UNC13C: variants seen among roughly 807,000 people sequenced by gnomAD.
UNC13C encodes the protein unc-13 homolog C.
In UNC13C, 174 loss-of-function variants were observed where a neutral mutation model predicts 245.4. That is an observed-to-expected ratio of 0.71 (90% CI 0.63 to 0.80). UNC13C has a LOEUF of 0.80. UNC13C is among the 30% of genes least tolerant of loss of function. The pLI is 0.00. For missense variants in UNC13C, 2,829 were observed against 2,602.9 expected, an observed-to-expected ratio of 1.09 and a Z score of -1.89; for synonymous variants, 992 against 895.1, an observed-to-expected ratio of 1.11 and a Z score of -1.93.
intron 17 of UNC13C, 25 bp from the exon 18 acceptor site, chr15:54,393,023 G>T (rs2039991361): frequency 1.3e-6 from 2 of 1,544,642 alleles, no homozygotes; most frequent in Non-Finnish European, 8.7e-7. Flanking sequence ...CTTTTCTTTT[G>T]CATGTTGCGT....
chr15:54,322,244 G>A (rs1401513364), intron 14 of UNC13C, 149 bp downstream of exon 14: 1 of 664,892 alleles, frequency 1.5e-6, no homozygotes, highest in Non-Finnish European at 2.3e-6. Flanking sequence ...AAGTTCATTT[G>A]AAACATTTTT....
In UNC13C at chr15:54,441,003, ATTAT is replaced by A. The variant is rs568792758; in HGVS notation, c.4933+25943_4933+25946del. Among the ~76,000 whole-genome samples the A allele has an allele frequency of 2.2e-3, 336 of 151,608 alleles. 6 individuals are homozygous for A. The highest frequency in any genetic ancestry group is 6.8e-4 in the Non-Finnish European group (46 of 67,788). On this transcript the variant is annotated intron_variant, in intron 19 of 32. Coordinates refer to ENST00000260323, the MANE Select transcript of UNC13C (RefSeq NM_001080534.3). ...TGTCATTTGACTACTTTTTGATGAG[ATTAT>A]TTATTTTCTTACTGTTGAGTTATTT... is the stretch of plus-strand genomic sequence containing the variant.
intron 19 of UNC13C, among the ~76,000 whole-genome samples, chr15:54,482,614 A>AATTCCACTGTTCTCTCCCAGAAGCTGT (rs1555472235): frequency 2.2e-4 from 33 of 149,652 alleles, no homozygotes; most frequent in African/African-American, 7.2e-4. Context: ...TTCCCTGCTG[A>AATTCCACTGTTCTCTCCCAGAAGCTGT]ATTCCACTGT....
At chr15:54,632,099 G>C (rs1901466910), downstream of UNC13C, 1 of 152,100 alleles carries the variant, frequency 6.6e-6, no homozygotes, top group African/African-American at 2.4e-5. Context: ...ATAACATTGA[G>C]TATCTCTGTG....
At position 54,499,857 on chromosome 15, in the gene UNC13C, C is replaced by T. The variant is rs141562780; in HGVS notation, c.5061-222C>T. ...TGTTGGAAACTAAGCATATTTGAGG[C>T]AGCATGCGAAGAACCAAGACGGGGG... On this transcript the variant is annotated intron_variant, in intron 20 of 32. Coordinates refer to ENST00000260323, the MANE Select transcript of UNC13C (RefSeq NM_001080534.3). 2.6e-3 allele frequency among the ~76,000 whole-genome samples: 395 copies of T among 152,150 alleles called. 10 individuals carry two copies. The highest frequency in any genetic ancestry group is 0.014 in the Admixed American group (218 of 15,240).
rs1448096922 is a variant in UNC13C, at chr15:54,145,001, A to C, written c.3071+1317A>C. Among the ~76,000 whole-genome samples, 3 of 151,920 alleles carry C rather than the reference A, an allele frequency of 2.0e-5. 1 individual carries two copies. The highest frequency in any genetic ancestry group is 4.4e-5 in the Non-Finnish European group (3 of 67,976). ...AAGACCGGGTTTTGCCATATTGTTC[A>C]GGCTGGTCTTGATCTCCTGAGCTCA... On this transcript the variant is annotated intron_variant, in intron 4 of 32. Coordinates refer to ENST00000260323, the MANE Select transcript of UNC13C (RefSeq NM_001080534.3).
chr15:54,177,907 T>A (rs1290129358), intron 4 of UNC13C, among the ~76,000 whole-genome samples: 1 of 152,116 alleles, frequency 6.6e-6, no homozygotes, highest in African/African-American at 2.4e-5. Context: ...ACATTTTTTC[T>A]CATTTTTTTC....
At chr15:54,598,359 T>C (rs1297663001) in intron 30 of UNC13C, among the ~76,000 whole-genome samples, 1 of 152,230 alleles carries the variant, frequency 6.6e-6, no homozygotes, top group Non-Finnish European at 1.5e-5. Context: ...CCTCCCAAAG[T>C]GCTGGGATTA....
chr15:54,620,919 G>A (rs1900758816), intron 30 of UNC13C, among the ~76,000 whole-genome samples: 1 of 152,138 alleles, frequency 6.6e-6, no homozygotes, highest in Non-Finnish European at 1.5e-5. Flanking sequence ...GGTGTTGGGG[G>A]GAGGAAGGAA....
the UNC13C span, among the ~76,000 whole-genome samples, chr15:53,879,965 G>GTGTGTT: frequency 2.0e-5 from 3 of 150,718 alleles, no homozygotes; most frequent in Non-Finnish European, 4.4e-5. Context: ...GTGTGTGTGT[G>GTGTGTT]TGTGTGTATA....
intron 30 of UNC13C, among the ~76,000 whole-genome samples, chr15:54,586,458 A>G (rs1898497417): frequency 6.6e-6 from 1 of 152,284 alleles, no homozygotes. Context: ...CCCCGTGCAC[A>G]GGGAAAGAGA....
the UNC13C span, among the ~76,000 whole-genome samples, chr15:53,885,806 C>T: frequency 6.6e-6 from 1 of 152,136 alleles, no homozygotes; most frequent in Non-Finnish European, 1.5e-5. Flanking sequence ...GAAAAAGATG[C>T]TGACACAAAT....
chr15:54,225,406 G>A (rs990618265), intron 4 of UNC13C, among the ~76,000 whole-genome samples: 3 of 152,198 alleles, frequency 2.0e-5, no homozygotes, highest in African/African-American at 7.2e-5. Flanking sequence ...TGGGCAGTAT[G>A]CCCATTTTCA....
the UNC13C span, among the ~76,000 whole-genome samples, chr15:53,930,628 A>T: frequency 6.6e-6 from 1 of 152,160 alleles, no homozygotes; most frequent in Admixed American, 6.5e-5. Flanking sequence ...TGCTGGGAAA[A>T]ATTGTTCCTC....
At chr15:54,461,672 G>C (rs544910229) in intron 19 of UNC13C, among the ~76,000 whole-genome samples, 1 of 152,276 alleles carries the variant, frequency 6.6e-6, no homozygotes, top group South Asian at 2.1e-4. Flanking sequence ...TTGAGTCATT[G>C]AGTAAATCAG....
At chr15:54,062,323 C>CA (rs539952952) in intron 2 of UNC13C, among the ~76,000 whole-genome samples, 6,585 of 114,332 alleles carry the variant, frequency 0.058, 218 homozygotes, top group African/African-American at 0.1. Context: ...AACTCAGTCT[C>CA]AAAAAAAAAA....
chr15:54,015,735 G>A lies in UNC13C; in HGVS notation c.2832G>A (p.Glu944=). 1.9e-6 allele frequency: 3 copies of A among 1,613,516 alleles called. No individual in the cohort carries two copies. The highest frequency in any genetic ancestry group is 2.5e-6 in the Non-Finnish European group (3 of 1,179,680). ...AACCCTTAAATGAAACATCAGCTGA[G>A]ATGGAAATAAGAGAAGATGAAAACC... is the stretch of plus-strand genomic sequence containing the variant. ...GLEPLNETSA[E]MEIREDENQN... Residue 944 remains glutamate (E), a synonymous_variant, in exon 2 of 33, where the codon GAG becomes GAA. Coordinates refer to ENST00000260323, the MANE Select transcript of UNC13C (RefSeq NM_001080534.3).
chr15:53,858,588 T>G, the UNC13C span, among the ~76,000 whole-genome samples: 1 of 151,948 alleles, frequency 6.6e-6, no homozygotes, highest in Admixed American at 6.6e-5. Flanking sequence ...ATGCAGCTAA[T>G]TTTTGTGTTT....
At chr15:54,522,147 ATAACT>A (rs71838205) in intron 24 of UNC13C, among the ~76,000 whole-genome samples, 11,809 of 152,148 alleles carry the variant, frequency 0.078, 549 homozygotes, top group Admixed American at 0.13. Context: ...CTTAAGGAAA[ATAACT>A]TAAGATGAAG....
Sources: gnomAD v4.1 joint callset for allele counts (sites outside exome capture counted in the v4.1 genomes callset) on GRCh38, gnomAD v4.1.1 for gene constraint, MANE v1.5 for transcripts, NCBI Gene and HGNC (gene_info 2026-07-23, HGNC 2026-07-21) for gene names.